NPSR1: variants seen among roughly 807,000 people sequenced by gnomAD.
NPSR1 encodes the protein neuropeptide S receptor 1.
A neutral mutation model predicts 46.9 loss-of-function variants in NPSR1; 48 were observed. That is an observed-to-expected ratio of 1.02 (90% CI 0.81 to 1.30). The LOEUF (loss-of-function observed/expected upper bound fraction) is 1.30. Ranked by LOEUF, NPSR1 falls within the 50% of genes most tolerant of loss-of-function variation. The pLI is 0.00. For synonymous variants in NPSR1, 176 were observed against 168.1 expected (o/e 1.05, Z -0.36); for missense variants, 450 against 449.5 (o/e 1.00, Z -0.01).
chr7:34,782,350 ATCT>A (rs997756864), intron 3 of NPSR1, among the ~76,000 whole-genome samples: 4 of 152,254 alleles, frequency 2.6e-5, no homozygotes, highest in African/African-American at 7.2e-5. Flanking sequence ...ACCAAGAGAA[ATCT>A]TCTCAGCTCC....
chr7:34,720,509 C>A (rs895970925), intron 2 of NPSR1, among the ~76,000 whole-genome samples: 1 of 152,032 alleles, frequency 6.6e-6, no homozygotes, highest in African/African-American at 2.4e-5. Context: ...ATGTGTAGTT[C>A]CCCAAATAAA....
chr7:34,782,096 A>C (rs73325800), intron 3 of NPSR1, among the ~76,000 whole-genome samples: 10,066 of 152,204 alleles, frequency 0.066, 948 homozygotes, highest in African/African-American at 0.21. Context: ...GAAGCCACTG[A>C]AAGACTGTGT....
chr7:34,764,093 G>A (rs1408540166), intron 2 of NPSR1, among the ~76,000 whole-genome samples: 1 of 152,190 alleles, frequency 6.6e-6, no homozygotes, highest in East Asian at 1.9e-4. Flanking sequence ...TAAATTGTGA[G>A]TGTATTTTAT....
At chr7:34,767,015 T>C (rs1338254231) in intron 2 of NPSR1, among the ~76,000 whole-genome samples, 1 of 152,176 alleles carries the variant, frequency 6.6e-6, no homozygotes, top group Non-Finnish European at 1.5e-5. Context: ...AGTGTGGCTA[T>C]AAAGGGATAG....
In NPSR1 at chr7:34,869,376, C is replaced by T. The variant is rs150108246; in HGVS notation, c.1026-8700C>T. ...ATCTAAAATGCAAATTTGATGACAT[C>T]AGATCCTATTTAAAATCTCTGCCTT... On this transcript the variant is annotated intron_variant, in intron 8 of 8. Transcript: ENST00000359791. Among the ~76,000 whole-genome samples, 880 of 151,908 alleles carry T rather than the reference C, an allele frequency of 5.8e-3. 40 individuals are homozygous for T. The highest frequency in any genetic ancestry group is 0.02 in the African/African-American group (834 of 41,174).
intron 3 of NPSR1, among the ~76,000 whole-genome samples, chr7:34,804,164 T>C (rs1179385000): frequency 1.3e-5 from 2 of 152,094 alleles, no homozygotes; most frequent in African/African-American, 4.8e-5. Context: ...ACTTGTTCCA[T>C]GAGGCCAGAA....
At chr7:34,695,174 C>T (rs1313178448) in intron 2 of NPSR1, among the ~76,000 whole-genome samples, 1 of 152,126 alleles carries the variant, frequency 6.6e-6, no homozygotes, top group Non-Finnish European at 1.5e-5. Flanking sequence ...ATACCTGCAA[C>T]CAACCCATCT....
intron 8 of NPSR1, among the ~76,000 whole-genome samples, chr7:34,865,401 C>G (rs768255886): frequency 6.6e-6 from 1 of 151,646 alleles, no homozygotes; most frequent in Non-Finnish European, 1.5e-5. Flanking sequence ...CAGCTCCCCC[C>G]ATGAAAAAGA....
intron 2 of NPSR1, among the ~76,000 whole-genome samples, chr7:34,706,442 G>C (rs763379152): frequency 6.6e-6 from 1 of 152,058 alleles, no homozygotes; most frequent in Non-Finnish European, 1.5e-5. Context: ...TACGTGGGAA[G>C]AATAATTTAT....
At chr7:34,753,135 A>C (rs932982457) in intron 2 of NPSR1, among the ~76,000 whole-genome samples, 6 of 152,180 alleles carry the variant, frequency 3.9e-5, no homozygotes, top group African/African-American at 1.4e-4. Flanking sequence ...GGCAAAAATC[A>C]GGGTCCTCCA....
intron 1 of NPSR1, among the ~76,000 whole-genome samples, chr7:34,672,697 A>G (rs2609218): frequency 0.28 from 43,323 of 152,036 alleles, 7,709 homozygotes; most frequent in African/African-American, 0.51. Flanking sequence ...AGTCCACTGA[A>G]TCACTTTCCT....
At chr7:34,671,807 G>C (rs963220) in intron 1 of NPSR1, among the ~76,000 whole-genome samples, 81,003 of 151,934 alleles carry the variant, frequency 0.53, 23,197 homozygotes, top group African/African-American at 0.75. Flanking sequence ...TTCTGCCCAT[G>C]CATGTGTTCG....
chr7:34,741,676 C>A (rs2128719294), intron 2 of NPSR1, among the ~76,000 whole-genome samples: 1 of 152,272 alleles, frequency 6.6e-6, no homozygotes, highest in South Asian at 2.1e-4. Context: ...TTGCACTGAT[C>A]CTTCAGGGAG....
At chr7:34,727,917 G>T (rs763288030) in intron 2 of NPSR1, among the ~76,000 whole-genome samples, 3 of 151,880 alleles carry the variant, frequency 2.0e-5, no homozygotes, top group Admixed American at 6.6e-5. Context: ...TGGAGGAAAT[G>T]ATTTTTTAAA....
downstream of NPSR1, among the ~76,000 whole-genome samples, chr7:34,851,983 C>A (rs549544114): frequency 2.6e-5 from 4 of 152,204 alleles, no homozygotes; most frequent in African/African-American, 9.6e-5. Context: ...CTTGGAGAAA[C>A]ATGATTTAAG....
chr7:34,814,412 C>G (rs1789142804), intron 4 of NPSR1, among the ~76,000 whole-genome samples: 1 of 152,260 alleles, frequency 6.6e-6, no homozygotes. Context: ...GTGGAGCCCA[C>G]TGCAGCTCAG....
intron 4 of NPSR1, among the ~76,000 whole-genome samples, chr7:34,815,810 C>G (rs947811111): frequency 2.0e-5 from 3 of 152,140 alleles, no homozygotes; most frequent in Non-Finnish European, 4.4e-5. Context: ...CATATCCAGC[C>G]AAACTAAGTT....
intron 5 of NPSR1, among the ~76,000 whole-genome samples, chr7:34,833,866 C>T (rs1030958029): frequency 2.6e-5 from 4 of 152,144 alleles, no homozygotes; most frequent in Non-Finnish European, 4.4e-5. Context: ...CATAGAGACA[C>T]CAACAAGACA....
intron 8 of NPSR1, among the ~76,000 whole-genome samples, chr7:34,862,830 T>C (rs1472086901): frequency 6.6e-6 from 1 of 151,810 alleles, no homozygotes. Context: ...AAATTATTAA[T>C]ATAGCCTCCT....
Sources: gnomAD v4.1 joint callset for allele counts (sites outside exome capture counted in the v4.1 genomes callset) on GRCh38, gnomAD v4.1.1 for gene constraint, MANE v1.5 for transcripts, NCBI Gene and HGNC (gene_info 2026-07-23, HGNC 2026-07-21) for gene names.